Variants in NADSYN1 observed in about 807,000 individuals in gnomAD.
The protein encoded by NADSYN1 is NAD synthetase 1.
NADSYN1 carries 80 observed loss-of-function variants against 99.3 expected under a neutral mutation model. The ratio of observed to expected loss-of-function variants is 0.81; its 90% confidence interval spans 0.67 to 0.97. The LOEUF (loss-of-function observed/expected upper bound fraction) is 0.97. Among genes scored for constraint, NADSYN1 ranks in the 50% least tolerant of loss-of-function variants. NADSYN1 has a pLI of 0.00. For synonymous variants in NADSYN1, 385 were observed against 372.1 expected, an observed-to-expected ratio of 1.03 and a Z score of -0.40; for missense variants, 859 against 948.5, an observed-to-expected ratio of 0.91 and a Z score of 1.24.
intron 5 of NADSYN1, among the ~76,000 whole-genome samples, chr11:71,471,455 G>A (rs1330906401): frequency 2.0e-5 from 3 of 152,210 alleles, no homozygotes; most frequent in Admixed American, 2.0e-4. Context: ...CATCCTCAAG[G>A]TGTGCGCTGG....
rs1412705266 is a variant in NADSYN1, at chr11:71,476,249, T to C, written c.798+1723T>C. 12 of 372,032 alleles carry C rather than the reference T, an allele frequency of 3.2e-5. No individual in the cohort carries two copies. In the Admixed American group the frequency reaches 3.6e-4, roughly 11 times the overall value. 23.0% of individuals were successfully genotyped at this position (372,032 alleles called of 1,614,324 possible). On this transcript the variant is annotated intron_variant, in intron 9 of 20. Transcript: ENST00000319023. Reference sequence around the variant, plus strand: ...CCGACGGCCTTCCACTCTGCTCTTGTTGGGAATGGGCATTAAAGCAGCGGA... The same window carrying C: ...CCGACGGCCTTCCACTCTGCTCTTGCTGGGAATGGGCATTAAAGCAGCGGA...
intron 5 of NADSYN1, among the ~76,000 whole-genome samples, chr11:71,466,234 G>GA (rs569527522): frequency 6.0e-5 from 9 of 151,018 alleles, no homozygotes; most frequent in East Asian, 1.9e-4. Context: ...AATGTCTCCA[G>GA]AAAAAAAAAG....
chr11:71,474,506 C>T lies in NADSYN1; in HGVS notation c.778C>T (p.Gln260Ter). 1 of 1,614,216 alleles carries T rather than the reference C, an allele frequency of 6.2e-7. No individual in the cohort carries two copies. Among genetic ancestry groups the T allele is most frequent in the Non-Finnish European group, 8.5e-7 (1 of 1,180,024 alleles). Residue 260 changes from glutamine to a stop codon, truncating the protein, a stop_gained, in exon 9 of 21, where the codon CAG becomes TAG. Coordinates refer to ENST00000319023, the MANE Select transcript of NADSYN1 (RefSeq NM_018161.5). LOFTEE classifies it high-confidence loss of function. ...MNGSVFAQGS[Q>*]FSLDDVEVLT... ...CGGAAGCGTCTTTGCTCAAGGATCCCAGTTTTCTCTGGATGACGTGGTAAT... is the reference window on the plus strand; with the variant it reads ...CGGAAGCGTCTTTGCTCAAGGATCCTAGTTTTCTCTGGATGACGTGGTAAT...
intron 9 of NADSYN1, chr11:71,477,354 C>T: frequency 1.6e-6 from 2 of 1,289,624 alleles, no homozygotes; most frequent in South Asian, 1.2e-5. Context: ...GCTTGGTGGC[C>T]AGGGTGCTGT....
chr11:71,472,523 C>T (rs780348438), intron 6 of NADSYN1, 23 bp downstream of exon 6: 44 of 1,606,620 alleles, frequency 2.7e-5, no homozygotes, highest in African/African-American at 5.3e-5. Flanking sequence ...GTGTGGAGCC[C>T]GTTTTTCAGT....
intron 9 of NADSYN1, chr11:71,477,231 T>C (rs1949674715): frequency 1.7e-6 from 2 of 1,201,316 alleles, no homozygotes; most frequent in Non-Finnish European, 1.1e-6. Context: ...GGCAGGCTGT[T>C]AACCTAGCCT....
At chr11:71,480,614 C>A in intron 10 of NADSYN1, 141 bp from the exon 11 acceptor site, 1 of 1,268,250 alleles carries the variant, frequency 7.9e-7, no homozygotes, top group Non-Finnish European at 1.1e-6. Flanking sequence ...TCTCGCCATC[C>A]TCGTGGGAGT....
At chr11:71,459,185 G>A (rs1949532945) in intron 3 of NADSYN1, 1 of 161,804 alleles carries the variant, frequency 6.2e-6, no homozygotes. Flanking sequence ...CCCTGTGGAG[G>A]CCTTTGTGTG....
chr11:71,491,368 GT>G (rs1949777945), intron 17 of NADSYN1, among the ~76,000 whole-genome samples: 1 of 152,248 alleles, frequency 6.6e-6, no homozygotes, highest in South Asian at 2.1e-4. Context: ...ACGGGAATGT[GT>G]TTTCTTCTTT....
intron 18 of NADSYN1, among the ~76,000 whole-genome samples, chr11:71,494,605 C>T (rs1056380696): frequency 2.0e-5 from 3 of 152,168 alleles, no homozygotes; most frequent in African/African-American, 7.2e-5. Context: ...GCCTGGAGTG[C>T]AGTGGTGCGA....
chr11:71,460,054 T>C (rs1270004359), intron 3 of NADSYN1: 3 of 152,430 alleles, frequency 2.0e-5, no homozygotes, highest in African/African-American at 7.2e-5. Flanking sequence ...CCCTGGCCTG[T>C]GGCCCCTCCC....
chr11:71,494,053 A>G (rs543421846), intron 18 of NADSYN1, among the ~76,000 whole-genome samples: 1 of 152,306 alleles, frequency 6.6e-6, no homozygotes, highest in South Asian at 2.1e-4. Flanking sequence ...TTAATTTATT[A>G]TTGAAGGAAG....
chr11:71,470,834 T>C (rs1258640967), intron 5 of NADSYN1, among the ~76,000 whole-genome samples: 2 of 152,234 alleles, frequency 1.3e-5, no homozygotes, highest in Non-Finnish European at 2.9e-5. Flanking sequence ...GCAAGTGACA[T>C]GTCTGTGTCT....
rs1433675294 is a variant in NADSYN1, at chr11:71,501,417, G to A, written c.*65G>A. 3 of 1,501,156 alleles carry A rather than the reference G, an allele frequency of 2.0e-6. No homozygotes were observed. The highest frequency in any genetic ancestry group is 1.4e-5 in the African/African-American group (1 of 72,384). 93.0% of individuals were successfully genotyped at this position (1,501,156 alleles called of 1,614,324 possible). ...CCAGCACCTCATCATCAGCATTGCT[G>A]GAGCCAAGGGTAGGAGCCCTACACT... On this transcript the variant is annotated 3_prime_UTR_variant, in exon 21 of 21. Transcript: ENST00000319023.
intron 20 of NADSYN1, among the ~76,000 whole-genome samples, chr11:71,500,997 G>A (rs1591139503): frequency 1.3e-5 from 2 of 152,134 alleles, no homozygotes; most frequent in Admixed American, 6.5e-5. Context: ...ACTCAGGGGC[G>A]GGCTCCCCCA....
At chr11:71,477,048 G>A (rs1949672237) in intron 9 of NADSYN1, 2 of 1,079,326 alleles carry the variant, frequency 1.9e-6, no homozygotes, top group East Asian at 1.7e-4. Flanking sequence ...TGGTGCACCT[G>A]AAATGGTCAA....
chr11:71,491,457 G>T (rs538778516), intron 17 of NADSYN1, among the ~76,000 whole-genome samples: 4 of 151,934 alleles, frequency 2.6e-5, no homozygotes, highest in Non-Finnish European at 4.4e-5. Flanking sequence ...TTCGCCACAC[G>T]GGGTGTGCTG....
At chr11:71,485,401 ACT>A in intron 15 of NADSYN1, 139 bp from the exon 16 acceptor site, 1 of 616,296 alleles carries the variant, frequency 1.6e-6, no homozygotes, top group Non-Finnish European at 2.8e-6. Flanking sequence ...ACACTGTGGG[ACT>A]CTGAGACTCT....
chr11:71,490,791 T>C, intron 16 of NADSYN1, 54 bp from the exon 17 acceptor site: 1 of 1,603,092 alleles, frequency 6.2e-7, no homozygotes, highest in African/African-American at 1.3e-5. Flanking sequence ...TGGCCAGGGT[T>C]GATGGAGTCT....
Sources: allele counts gnomAD v4.1 joint callset (sites outside exome capture counted in the v4.1 genomes callset), GRCh38; gene constraint gnomAD v4.1.1; transcripts MANE v1.5; gene names NCBI Gene and HGNC (gene_info 2026-07-23, HGNC 2026-07-21).